Variants in F8 observed in about 807,000 individuals in gnomAD.
F8 encodes coagulation factor VIII.
In F8, 12 loss-of-function variants were observed where a neutral mutation model predicts 140.6. The ratio of observed to expected loss-of-function variants is 0.09; its 90% CI spans 0.05 to 0.14. The LOEUF is 0.14. Among genes scored for constraint, F8 ranks in the 10% least tolerant of loss-of-function variants. The pLI is 1.00. For synonymous variants in F8, 585 were observed against 614.6 expected, an observed-to-expected ratio of 0.95 and a Z score of 0.71; for missense variants, 1,354 against 1,720.7, an observed-to-expected ratio of 0.79 and a Z score of 3.77.
chrX:154,944,874 A>G (rs1046239684), intron 13 of F8, among the ~76,000 whole-genome samples: 5 of 111,351 alleles, frequency 4.5e-5, no homozygotes, highest in Admixed American at 9.6e-5. Context: ...TTGTAGGGAC[A>G]TGGATGAAAT....
rs1008606692 is a variant in F8 at position 154,861,860 on chromosome X, C to A, written c.6581G>T (p.Ser2194Ile). ...TTTACTCTCCATTCCCAATGGCATG[C>A]TGCAACCTCAAAGAAAAGAAAAAAG... The part of the protein sequence containing the change: ...ELMGCDLNSC[S>I]MPLGMESKAI... Residue 2194 changes from serine to isoleucine, a missense_variant, in exon 24 of 26, where the codon AGC becomes ATC. Physicochemically the swap from Ser to Ile is moderately radical, Grantham distance 142. Around this residue, in one of 4 missense-constraint regions of F8, gnomAD observed 316 missense variants for 485.4 expected, o/e 0.65. Transcript: ENST00000360256. 1 of 1,211,272 alleles carries A rather than the reference C, an allele frequency of 8.3e-7. No individual in the cohort carries two copies. The highest frequency in any genetic ancestry group is 1.1e-6 in the Non-Finnish European group (1 of 895,191).
intron 4 of F8, among the ~76,000 whole-genome samples, chrX:154,988,179 G>A (rs1557284404): frequency 8.9e-6 from 1 of 111,925 alleles, no homozygotes; most frequent in African/African-American, 3.2e-5. Context: ...TTACTCAATT[G>A]AGTTGTTTGT....
At chrX:154,935,762 C>A (rs782697746) in intron 13 of F8, among the ~76,000 whole-genome samples, 1 of 110,743 alleles carries the variant, frequency 9.0e-6, no homozygotes, top group African/African-American at 3.3e-5. Flanking sequence ...CAATAAATGT[C>A]AACAAAACTG....
At chrX:154,843,306 A>C in intron 25 of F8, among the ~76,000 whole-genome samples, 1 of 111,769 alleles carries the variant, frequency 8.9e-6, no homozygotes, top group Non-Finnish European at 1.9e-5. Context: ...TTGGGTACAT[A>C]CCCAGTAATG....
chrX:154,916,422 A>G (rs941897277), intron 14 of F8, among the ~76,000 whole-genome samples: 3 of 111,772 alleles, frequency 2.7e-5, no homozygotes, highest in Non-Finnish European at 5.7e-5. Flanking sequence ...TGAAGTCATC[A>G]GGTCCTGGAC....
chrX:155,008,788 G>A (rs782563829), intron 1 of F8, among the ~76,000 whole-genome samples: 28 of 108,755 alleles, frequency 2.6e-4, no homozygotes, highest in African/African-American at 7.8e-4. Flanking sequence ...GGCAGACCAC[G>A]CCTCTTCCCA....
At chrX:154,932,159 T>C (rs1447711409) in intron 13 of F8, among the ~76,000 whole-genome samples, 2 of 112,024 alleles carry the variant, frequency 1.8e-5, no homozygotes, top group African/African-American at 6.5e-5. Flanking sequence ...TTCTGAACAA[T>C]AGGTTTCTAA....
Position 154,928,770 on chromosome X carries a change from G to T in F8, c.5020C>A (p.Leu1674Ile). The T allele has an allele frequency of 8.3e-7, 1 of 1,211,392 alleles. No individual in the cohort carries two copies. The highest frequency in any genetic ancestry group is 1.7e-5 in the African/African-American group (1 of 57,738). ...TCAATTTCCTCTTGATCTGACTGAA[G>T]AGTAGTACGAGTTATTTCCCGTTGA... is the stretch of plus-strand genomic sequence containing the variant. ...RHQREITRTTLQSDQEEIDYD... is the reference protein window; with the variant it reads ...RHQREITRTTIQSDQEEIDYD... The change falls in exon 14 of 26, where the codon CTT becomes ATT. Residue 1674 changes from leucine to isoleucine, a missense_variant. Transcript: ENST00000360256.
intron 7 of F8, 108 bp from the exon 8 acceptor site, chrX:154,966,795 T>A (rs1310950891): frequency 2.0e-6 from 2 of 978,396 alleles, no homozygotes; most frequent in East Asian, 6.3e-5. Flanking sequence ...GGCTCATGTT[T>A]CTGCAGGCTA....
At position 155,022,675 on chromosome X, in the gene F8, G is replaced by A; in HGVS notation, c.-123C>T. The A allele has an allele frequency of 8.6e-7, 1 of 1,163,639 alleles. No homozygotes were observed. The highest frequency in any genetic ancestry group is 1.1e-6 in the Non-Finnish European group (1 of 875,383). ...TTTAATGAAAAGTCCCAATTTCTTT[G>A]CAGAGCATTTTAAGGAACTTTACCC... On this transcript the variant is annotated 5_prime_UTR_variant, in exon 1 of 26. Coordinates refer to ENST00000360256, the MANE Select transcript of F8 (RefSeq NM_000132.4).
intron 22 of F8, among the ~76,000 whole-genome samples, chrX:154,877,275 G>A (rs898453977): frequency 9.0e-6 from 1 of 111,529 alleles, no homozygotes; most frequent in Non-Finnish European, 1.9e-5. Flanking sequence ...TCAAAATAGG[G>A]AGAATATCCT....
intron 7 of F8, among the ~76,000 whole-genome samples, chrX:154,967,025 C>A (rs951094514): frequency 1.8e-5 from 2 of 111,215 alleles, no homozygotes; most frequent in Non-Finnish European, 3.8e-5. Flanking sequence ...TGCCACCAGA[C>A]CCCACCTCCA....
intron 4 of F8, among the ~76,000 whole-genome samples, chrX:154,992,464 G>A (rs2073593365): frequency 1.8e-5 from 2 of 112,279 alleles, no homozygotes; most frequent in African/African-American, 3.2e-5. Context: ...TTAATTTTCA[G>A]TAACATATAA....
chrX:154,842,952 C>T (rs782413583), intron 25 of F8, among the ~76,000 whole-genome samples: 20 of 111,462 alleles, frequency 1.8e-4, no homozygotes, highest in Admixed American at 1.7e-3. Context: ...CCCTGTCCAC[C>T]CACCCCATGA....
chrX:154,993,214 T>G, intron 3 of F8, 66 bp from the exon 4 acceptor site: 2 of 935,108 alleles, frequency 2.1e-6, no homozygotes, highest in Non-Finnish European at 3.1e-6. Context: ...ACATGTCAAG[T>G]TTATTGTCAC....
At chrX:154,920,599 T>C (rs2073125102) in intron 14 of F8, among the ~76,000 whole-genome samples, 1 of 109,957 alleles carries the variant, frequency 9.1e-6, no homozygotes. Context: ...ACTACAGGCA[T>C]GCACCACCAT....
chrX:154,933,772 A>G (rs1423124405), intron 13 of F8, among the ~76,000 whole-genome samples: 2 of 112,653 alleles, frequency 1.8e-5, no homozygotes, highest in African/African-American at 6.4e-5. Flanking sequence ...CTAAAACACA[A>G]GAAGGCACAG....
At chrX:154,963,801 A>T (rs1219213439) in intron 9 of F8, among the ~76,000 whole-genome samples, 1 of 111,042 alleles carries the variant, frequency 9.0e-6, no homozygotes, top group Non-Finnish European at 1.9e-5. Flanking sequence ...AATGGGGTAG[A>T]TCTATATATG....
At chrX:154,838,326 A>G (rs782082156) in intron 25 of F8, among the ~76,000 whole-genome samples, 1 of 111,766 alleles carries the variant, frequency 8.9e-6, no homozygotes, top group East Asian at 2.8e-4. Context: ...TTTGGAGCAA[A>G]GGTCACCTAT....
Sources: gnomAD v4.1 joint callset for allele counts (sites outside exome capture counted in the v4.1 genomes callset) on GRCh38, gnomAD v4.1.1 for gene constraint, gnomAD v4.1.1 regional missense constraint, MANE v1.5 for transcripts, NCBI Gene and HGNC (gene_info 2026-07-23, HGNC 2026-07-21) for gene names.